SORCS2: variants seen among roughly 807,000 people sequenced by gnomAD.
The protein encoded by SORCS2 is VPS10 domain-containing receptor SorCS2.
A neutral mutation model predicts 141.6 loss-of-function variants in SORCS2; 100 were observed. The ratio of observed to expected loss-of-function variants is 0.71; its 90% CI spans 0.60 to 0.83. The LOEUF (loss-of-function observed/expected upper bound fraction) is 0.83, where lower values mean the gene tolerates loss of function less well. Ranked by LOEUF, SORCS2 falls within the 40% of genes least tolerant of loss-of-function variation. SORCS2 has a pLI of 0.00. For synonymous variants in SORCS2, 789 were observed against 676.9 expected (o/e 1.17, Z -2.57); for missense variants, 1,646 against 1,560.2 (o/e 1.05, Z -0.93).
At chr4:7,382,913 A>C (rs1723076227) in intron 1 of SORCS2, among the ~76,000 whole-genome samples, 1 of 152,204 alleles carries the variant, frequency 6.6e-6, no homozygotes. Flanking sequence ...ATTTCCTTTA[A>C]GATCAGAAGA....
chr4:7,551,828 G>A (rs757221994), intron 3 of SORCS2, among the ~76,000 whole-genome samples: 3 of 152,224 alleles, frequency 2.0e-5, no homozygotes, highest in Non-Finnish European at 4.4e-5. Context: ...CTGGGTCCCA[G>A]TTTGTGAAAG....
At chr4:7,331,803 G>A (rs1221197483) in intron 1 of SORCS2, among the ~76,000 whole-genome samples, 1 of 152,212 alleles carries the variant, frequency 6.6e-6, no homozygotes, top group Non-Finnish European at 1.5e-5. Context: ...TTTACCTCCT[G>A]TGAGCCCTGG....
chr4:7,526,691 C>T (rs575915646), intron 2 of SORCS2, among the ~76,000 whole-genome samples: 73 of 152,244 alleles, frequency 4.8e-4, no homozygotes, highest in South Asian at 2.5e-3. Context: ...CGCGTCAGGG[C>T]GGCCTCCCTC....
intron 2 of SORCS2, chr4:7,433,549 T>C: frequency 1.9e-6 from 3 of 1,610,990 alleles, no homozygotes; most frequent in Non-Finnish European, 2.5e-6. Flanking sequence ...GGGCTCGTAC[T>C]GGGTGACGAA....
At chr4:7,628,197 A>G (rs551945394) in intron 3 of SORCS2, among the ~76,000 whole-genome samples, 1 of 152,262 alleles carries the variant, frequency 6.6e-6, no homozygotes, top group South Asian at 2.1e-4. Context: ...ACAGAACAGA[A>G]CACAACAGAA....
At chr4:7,473,821 A>G (rs1289433952) in intron 2 of SORCS2, among the ~76,000 whole-genome samples, 5 of 152,134 alleles carry the variant, frequency 3.3e-5, no homozygotes, top group Non-Finnish European at 5.9e-5. Context: ...ACTGCTAGGC[A>G]GGATTGAAGA....
intron 12 of SORCS2, among the ~76,000 whole-genome samples, chr4:7,700,307 C>T (rs73794383): frequency 1.1e-4 from 17 of 152,170 alleles, no homozygotes; most frequent in African/African-American, 2.9e-4. Flanking sequence ...AAACTGGGCT[C>T]GAGGGTAAAG....
chr4:7,720,300 G>A (rs988994609), intron 18 of SORCS2, among the ~76,000 whole-genome samples: 1 of 152,160 alleles, frequency 6.6e-6, no homozygotes, highest in Non-Finnish European at 1.5e-5. Context: ...AACTCACTGA[G>A]GGGAGGGCTT....
intron 2 of SORCS2, among the ~76,000 whole-genome samples, chr4:7,427,200 TA>T (rs1403138650): frequency 4.6e-5 from 7 of 151,816 alleles, no homozygotes; most frequent in African/African-American, 1.7e-4. Flanking sequence ...GAGGGTGACC[TA>T]GGGGGCCTCT....
Position 7,698,265 on chromosome 4 carries a change from T to A in SORCS2, c.1668+991T>A, listed in dbSNP as rs146114800. Among the ~76,000 whole-genome samples, 710 of 152,292 alleles carry A rather than the reference T, an allele frequency of 4.7e-3. 5 individuals carry two copies. The highest frequency in any genetic ancestry group is 0.016 in the African/African-American group (668 of 41,556). ...GGCTATCTCCTTCCAGACAAGACGTTCTGTTTGAGGTCAGTGTTTTACACG... is the reference window on the plus strand; with the variant it reads ...GGCTATCTCCTTCCAGACAAGACGTACTGTTTGAGGTCAGTGTTTTACACG... On this transcript the variant is annotated intron_variant, in intron 12 of 26. Transcript: ENST00000507866.
chr4:7,668,729 C>T (rs1038013177), intron 8 of SORCS2, among the ~76,000 whole-genome samples: 3 of 152,212 alleles, frequency 2.0e-5, no homozygotes, highest in Non-Finnish European at 4.4e-5. Flanking sequence ...GGTTTCATTT[C>T]AGGCAAAGGC....
intron 1 of SORCS2, among the ~76,000 whole-genome samples, chr4:7,207,187 C>T (rs992217195): frequency 1.3e-5 from 2 of 152,212 alleles, no homozygotes; most frequent in Non-Finnish European, 1.5e-5. Flanking sequence ...CCGAAAATGG[C>T]CTTTGTCCAC....
chr4:7,652,790 C>A (rs960776082), intron 4 of SORCS2, among the ~76,000 whole-genome samples: 2 of 151,992 alleles, frequency 1.3e-5, no homozygotes, highest in African/African-American at 4.8e-5. Flanking sequence ...TGACCACGGA[C>A]CCCCTGAGCG....
intron 3 of SORCS2, among the ~76,000 whole-genome samples, chr4:7,591,783 C>T (rs1716930567): frequency 6.6e-6 from 1 of 152,152 alleles, no homozygotes; most frequent in African/African-American, 2.4e-5. Context: ...GGCCTCTGAC[C>T]CCGGCGGGCC....
intron 2 of SORCS2, among the ~76,000 whole-genome samples, chr4:7,441,725 T>C (rs1181019591): frequency 6.4e-5 from 5 of 78,552 alleles, no homozygotes; most frequent in Non-Finnish European, 1.2e-4. Context: ...TAACCCAGAT[T>C]ACCCTCCACC....
chr4:7,724,262 A>ATGGTGATGATGGTGGTGGTGG (rs1289362316), intron 19 of SORCS2, among the ~76,000 whole-genome samples: 1 of 138,100 alleles, frequency 7.2e-6, no homozygotes, highest in Admixed American at 7.0e-5. Flanking sequence ...GGTGTTGGTG[A>ATGGTGATGATGGTGGTGGTGG]TGGTGATGAT....
chr4:7,700,164 T>G lies in SORCS2; in HGVS notation c.1668+2890T>G, dbSNP rs570533333. ...TGTGATGCCCTTGTGCCTCCGAAGG[T>G]TTCCCCAAGTTCCACTTGCCCTGTG... On this transcript the variant is annotated intron_variant, in intron 12 of 26. Coordinates refer to ENST00000507866, the MANE Select transcript of SORCS2 (RefSeq NM_020777.3). Among the ~76,000 whole-genome samples the G allele has an allele frequency of 2.5e-4, 38 of 152,302 alleles. 1 individual carries two copies. Among genetic ancestry groups the G allele is most frequent in the South Asian group, 4.1e-4 (2 of 4,820 alleles).
chr4:7,525,263 G>C (rs542566300), intron 2 of SORCS2, among the ~76,000 whole-genome samples: 1 of 152,280 alleles, frequency 6.6e-6, no homozygotes. Context: ...AAGGGGTTCT[G>C]GGAGGCTAGA....
chr4:7,606,995 T>C (rs1029325771), intron 3 of SORCS2, among the ~76,000 whole-genome samples: 2 of 152,182 alleles, frequency 1.3e-5, no homozygotes, highest in Non-Finnish European at 2.9e-5. Flanking sequence ...TCCTACACTT[T>C]ATATGAAGCT....
Sources: gnomAD v4.1 joint callset for allele counts (sites outside exome capture counted in the v4.1 genomes callset) on GRCh38, gnomAD v4.1.1 for gene constraint, MANE v1.5 for transcripts, NCBI Gene and HGNC (gene_info 2026-07-23, HGNC 2026-07-21) for gene names.